Variants in LAMC1 observed in about 807,000 individuals in gnomAD.
LAMC1 encodes the protein laminin subunit gamma-1.
A neutral mutation model predicts 173.6 loss-of-function variants in LAMC1; 38 were observed. The observed-to-expected ratio is 0.22, with a 90% CI of 0.17 to 0.29. The LOEUF (loss-of-function observed/expected upper bound fraction) is 0.29, where lower values mean the gene tolerates loss of function less well. Ranked by LOEUF, LAMC1 falls within the 10% of genes least tolerant of loss-of-function variation. The pLI is 1.00. For missense variants in LAMC1, 1,824 were observed against 2,051.8 expected (o/e 0.89, Z 2.14); for synonymous variants, 746 against 749.1 (o/e 1.00, Z 0.07).
rs556520241 is a variant in LAMC1 at position 183,099,876 on chromosome 1, C to T, written c.419-3452C>T. ...TGCAGGCATCCCAGAACTAGTGTAT[C>T]GGAAACTGAATTCATCTTCCCATCC... On this transcript the variant is annotated intron_variant, in intron 1 of 27. Coordinates refer to ENST00000258341, the MANE Select transcript of LAMC1 (RefSeq NM_002293.4). Among the ~76,000 whole-genome samples, 203 of 152,248 alleles carry T rather than the reference C, an allele frequency of 1.3e-3. 1 individual carries two copies. Among genetic ancestry groups the T allele is most frequent in the African/African-American group, 4.7e-3 (194 of 41,550 alleles).
chr1:183,129,530 C>A (rs1223350464), intron 18 of LAMC1, among the ~76,000 whole-genome samples: 1 of 151,522 alleles, frequency 6.6e-6, no homozygotes, highest in Non-Finnish European at 1.5e-5. Flanking sequence ...AACCTGTATT[C>A]ATCTTCATTG....
intron 1 of LAMC1, among the ~76,000 whole-genome samples, chr1:183,031,694 T>C (rs1038858830): frequency 6.6e-6 from 1 of 152,206 alleles, no homozygotes; most frequent in African/African-American, 2.4e-5. Context: ...TGTTAAAGTT[T>C]AGAGCAGAGC....
In LAMC1 at chr1:183,137,706, T is replaced by C. The variant is rs1468919756; in HGVS notation, c.4352T>C (p.Phe1451Ser). 1.9e-6 allele frequency: 3 copies of C among 1,600,802 alleles called. No homozygotes were observed. The highest frequency in any genetic ancestry group is 2.3e-5 in the East Asian group (1 of 44,272). Residue 1451 changes from phenylalanine (F) to serine (S), a missense_variant, in exon 26 of 28, where the codon TTT becomes TCT. By Grantham distance (155) the Phe-to-Ser change is radical (BLOSUM62 -2). Transcript: ENST00000258341. The stretch of plus-strand genomic sequence containing the variant: ...ACCAAGGCAGAAGCTGAAAGAACTT[T>C]TGCAGAAGTTACAGATCTGGATAAT... ...TSTKAEAERTFAEVTDLDNEV... is the reference protein window; with the variant it reads ...TSTKAEAERTSAEVTDLDNEV...
At chr1:183,026,152 ATAT>A (rs1653680021) in intron 1 of LAMC1, among the ~76,000 whole-genome samples, 1 of 152,204 alleles carries the variant, frequency 6.6e-6, no homozygotes, top group Non-Finnish European at 1.5e-5. Flanking sequence ...ACTTTTGGTA[ATAT>A]TCTTGCTAAA....
chr1:183,120,167 C>CAAAAAAAAAAAAAAA (rs55642592), intron 11 of LAMC1, among the ~76,000 whole-genome samples: 1 of 64,728 alleles, frequency 1.5e-5, no homozygotes, highest in Non-Finnish European at 2.8e-5. Context: ...GGATCTATCT[C>CAAAAAAAAAAAAAAA]AAAAAAAAAA....
intron 26 of LAMC1, 152 bp from the exon 27 acceptor site, chr1:183,140,252 A>AAAAAAAAAAAAAAAG: frequency 2.4e-6 from 1 of 414,868 alleles, no homozygotes; most frequent in Middle Eastern, 5.8e-4. Flanking sequence ...CACCAAAAAA[A>AAAAAAAAAAAAAAAG]AAAAAAAAAA....
chr1:183,127,644 G>A (rs1405322875), intron 17 of LAMC1, among the ~76,000 whole-genome samples: 1 of 152,178 alleles, frequency 6.6e-6, no homozygotes, highest in Admixed American at 6.5e-5. Flanking sequence ...TTTATGTAAG[G>A]CCTCTCTACA....
At chr1:183,131,012 T>G (rs1180608571) in intron 19 of LAMC1, among the ~76,000 whole-genome samples, 2 of 152,018 alleles carry the variant, frequency 1.3e-5, no homozygotes, top group Non-Finnish European at 1.5e-5. Flanking sequence ...CCGTCTCTAC[T>G]AAAAATACAA....
At chr1:183,090,504 C>T (rs1655538972) in intron 1 of LAMC1, among the ~76,000 whole-genome samples, 1 of 152,186 alleles carries the variant, frequency 6.6e-6, no homozygotes, top group Non-Finnish European at 1.5e-5. Flanking sequence ...CTTATGAAGG[C>T]ATCTGCTCAC....
intron 1 of LAMC1, among the ~76,000 whole-genome samples, chr1:183,036,064 A>G (rs1436814870): frequency 1.3e-5 from 2 of 151,490 alleles, no homozygotes; most frequent in Non-Finnish European, 2.9e-5. Context: ...TTTCCTGGAA[A>G]ACTACCCTCA....
At chr1:183,031,806 T>C (rs1653856413) in intron 1 of LAMC1, among the ~76,000 whole-genome samples, 1 of 152,206 alleles carries the variant, frequency 6.6e-6, no homozygotes, top group South Asian at 2.1e-4. Flanking sequence ...AATTTCAAGA[T>C]GATTTTGTGC....
chr1:183,138,770 G>C (rs1220439048), intron 26 of LAMC1, among the ~76,000 whole-genome samples: 1 of 152,070 alleles, frequency 6.6e-6, no homozygotes, highest in Non-Finnish European at 1.5e-5. Context: ...TCCCATAAAG[G>C]TGTCTGGGCG....
Position 183,121,852 on chromosome 1 carries a change from G to A in LAMC1, c.2120G>A (p.Gly707Asp), listed in dbSNP as rs1159461629. 34 of 1,614,050 alleles carry A rather than the reference G, an allele frequency of 2.1e-5. No homozygotes were observed. The highest frequency in any genetic ancestry group is 2.7e-5 in the African/African-American group (2 of 74,914). The change falls in exon 12 of 28, where the codon GGT (glycine) becomes GAT (aspartate). Residue 707 changes from glycine (G) to aspartate (D), a missense_variant. Coordinates refer to ENST00000258341, the MANE Select transcript of LAMC1 (RefSeq NM_002293.4). ...CAGTTTTGTGAGATGTGCCTCTCAGGTTACAGAAGAGAAACTCCTAATCTT... is the reference window on the plus strand; with the variant it reads ...CAGTTTTGTGAGATGTGCCTCTCAGATTACAGAAGAGAAACTCCTAATCTT... ...GGQFCEMCLS[G>D]YRRETPNLGP...
chr1:183,121,154 C>G (rs1401319102), intron 11 of LAMC1, among the ~76,000 whole-genome samples: 1 of 151,434 alleles, frequency 6.6e-6, no homozygotes, highest in Non-Finnish European at 1.5e-5. Flanking sequence ...CATGGTGGCT[C>G]AAGCCTGTAA....
intron 1 of LAMC1, among the ~76,000 whole-genome samples, chr1:183,042,526 C>G (rs962727515): frequency 6.6e-6 from 1 of 152,154 alleles, no homozygotes; most frequent in African/African-American, 2.4e-5. Flanking sequence ...TGGCAGACAG[C>G]TCTGCCATGC....
intron 1 of LAMC1, among the ~76,000 whole-genome samples, chr1:183,082,750 G>C (rs1302413611): frequency 6.6e-6 from 1 of 152,226 alleles, no homozygotes; most frequent in Non-Finnish European, 1.5e-5. Flanking sequence ...GGCCTGTAAA[G>C]ATGTCTTAAT....
chr1:183,038,400 C>T (rs955653450), intron 1 of LAMC1, among the ~76,000 whole-genome samples: 1 of 152,104 alleles, frequency 6.6e-6, no homozygotes, highest in African/African-American at 2.4e-5. Flanking sequence ...TGTGCTACAC[C>T]GGAGGGCTGA....
chr1:183,071,624 G>A (rs1275288491), intron 1 of LAMC1, among the ~76,000 whole-genome samples: 1 of 152,210 alleles, frequency 6.6e-6, no homozygotes, highest in Non-Finnish European at 1.5e-5. Context: ...GAAGTAAAAG[G>A]AGGTGATGTT....
At chr1:183,039,523 G>A (rs1048985454) in intron 1 of LAMC1, among the ~76,000 whole-genome samples, 1 of 152,186 alleles carries the variant, frequency 6.6e-6, no homozygotes, top group African/African-American at 2.4e-5. Context: ...TAATGCAGCT[G>A]TAATAAAATT....
Sources: allele counts gnomAD v4.1 joint callset (sites outside exome capture counted in the v4.1 genomes callset), GRCh38; gene constraint gnomAD v4.1.1; transcripts MANE v1.5; gene names NCBI Gene and HGNC (gene_info 2026-07-23, HGNC 2026-07-21).